Variants in TMC1 observed in about 807,000 individuals in gnomAD.
TMC1 encodes transmembrane channel like 1.
TMC1 carries 84 observed loss-of-function variants against 105.8 expected under a neutral mutation model. The observed-to-expected ratio is 0.79, with a 90% CI of 0.67 to 0.95. TMC1 has a LOEUF of 0.95. Among genes scored for constraint, TMC1 ranks in the 40% least tolerant of loss-of-function variants. TMC1 has a pLI of 0.00. For synonymous variants in TMC1, 315 were observed against 311.5 expected (o/e 1.01, Z -0.12); for missense variants, 817 against 914.1 (o/e 0.89, Z 1.37).
intron 4 of TMC1, among the ~76,000 whole-genome samples, chr9:72,635,422 G>A (rs1363943779): frequency 1.3e-5 from 2 of 152,084 alleles, no homozygotes; most frequent in Admixed American, 6.6e-5. Flanking sequence ...CTTATCATTA[G>A]GGACTTCCCA....
chr9:72,775,341 A>G (rs1250116357), intron 13 of TMC1, among the ~76,000 whole-genome samples: 1 of 151,940 alleles, frequency 6.6e-6, no homozygotes, highest in Non-Finnish European at 1.5e-5. Context: ...ATATAGTTAC[A>G]TAAGTATTAA....
chr9:72,526,636 T>G (rs1377206836), intron 1 of TMC1, among the ~76,000 whole-genome samples: 1 of 152,198 alleles, frequency 6.6e-6, no homozygotes, highest in Admixed American at 6.5e-5. Flanking sequence ...ATTAACTAAA[T>G]TAAAACCCCT....
rs1406851630 is a variant in TMC1 at position 72,628,043 on chromosome 9, T to G, written c.-73T>G. 2.2e-6 allele frequency: 1 copy of G among 455,636 alleles called. No homozygotes were observed. The highest frequency in any genetic ancestry group is 4.4e-6 in the Non-Finnish European group (1 of 226,774). The allele number at this position is 455,636 out of a possible 1,614,324, so 28.2% of individuals were successfully genotyped here. ...CACGTGGAGTGGTCTGGTGAATGCTTAAGGAGCTGCAGAAGGGAAGGTAGT... is the reference window on the plus strand; with the variant it reads ...CACGTGGAGTGGTCTGGTGAATGCTGAAGGAGCTGCAGAAGGGAAGGTAGT... On this transcript the variant is annotated 5_prime_UTR_variant, in exon 4 of 24. It removes the in-frame stop codon of an upstream open reading frame in the 5' UTR. Coordinates refer to ENST00000297784, the MANE Select transcript of TMC1 (RefSeq NM_138691.3).
intron 20 of TMC1, among the ~76,000 whole-genome samples, chr9:72,821,757 A>T (rs910151654): frequency 1.3e-5 from 2 of 152,224 alleles, no homozygotes; most frequent in Non-Finnish European, 2.9e-5. Context: ...GGGCCGTCAC[A>T]TCCAGACGTG....
intron 23 of TMC1, among the ~76,000 whole-genome samples, chr9:72,832,797 AATT>A (rs1829061920): frequency 6.6e-6 from 1 of 152,054 alleles, no homozygotes; most frequent in Non-Finnish European, 1.5e-5. Context: ...TGAAATTTTT[AATT>A]TTTTAAATCA....
chr9:72,546,771 T>G (rs1368096450), intron 1 of TMC1, among the ~76,000 whole-genome samples: 1 of 152,236 alleles, frequency 6.6e-6, no homozygotes, highest in Non-Finnish European at 1.5e-5. Context: ...AGGAAAAAAG[T>G]TAACCCAGAA....
chr9:72,808,301 G>T (rs1554729328), intron 18 of TMC1, among the ~76,000 whole-genome samples: 1 of 152,172 alleles, frequency 6.6e-6, no homozygotes, highest in Non-Finnish European at 1.5e-5. Flanking sequence ...ATTTGTAATT[G>T]CTGTTTCTCC....
intron 2 of TMC1, among the ~76,000 whole-genome samples, chr9:72,607,447 G>T (rs181521361): frequency 1.3e-5 from 2 of 150,014 alleles, no homozygotes; most frequent in Admixed American, 6.7e-5. Flanking sequence ...GTGAAACCCC[G>T]TCTCTACTAA....
intron 8 of TMC1, 48 bp from the exon 9 acceptor site, chr9:72,740,071 A>G: frequency 6.9e-7 from 1 of 1,459,272 alleles, no homozygotes; most frequent in East Asian, 2.3e-5. Flanking sequence ...TATTCTAGTC[A>G]TTGCAACTCA....
intron 6 of TMC1, among the ~76,000 whole-genome samples, chr9:72,689,744 T>C (rs751088264): frequency 5.9e-5 from 9 of 152,178 alleles, no homozygotes; most frequent in Non-Finnish European, 1.3e-4. Context: ...TTTTGTCCGA[T>C]GTAAGTATAG....
intron 1 of TMC1, among the ~76,000 whole-genome samples, chr9:72,553,538 A>G (rs1378190472): frequency 6.6e-6 from 1 of 152,240 alleles, no homozygotes; most frequent in East Asian, 1.9e-4. Context: ...AAAGCAAAGC[A>G]TGACACAGAA....
At chr9:72,718,737 G>GATC (rs1826964759) in intron 8 of TMC1, among the ~76,000 whole-genome samples, 1 of 152,166 alleles carries the variant, frequency 6.6e-6, no homozygotes, top group African/African-American at 2.4e-5. Flanking sequence ...TATAGGGGAG[G>GATC]ATCAGGTGGT....
intron 8 of TMC1, among the ~76,000 whole-genome samples, chr9:72,707,668 C>T (rs1486215627): frequency 1.3e-5 from 2 of 151,922 alleles, no homozygotes; most frequent in East Asian, 3.9e-4. Flanking sequence ...TAGTCTTTGT[C>T]AGATGTAGAG....
Position 72,745,866 on chromosome 9 carries a change from C to G in TMC1, c.535+3341C>G, listed in dbSNP as rs967000093. 3.3e-5 allele frequency among the ~76,000 whole-genome samples: 5 copies of G among 152,270 alleles called. No homozygotes were observed. In the South Asian group the frequency reaches 1.0e-3, roughly 32 times the overall value. On this transcript the variant is annotated intron_variant, in intron 10 of 23. Coordinates refer to ENST00000297784, the MANE Select transcript of TMC1 (RefSeq NM_138691.3). ...GGTTCTGTTTCCACATTTGGGGCTACTACAATATCTACAACATCTTGGGTT... is the reference window on the plus strand; with the variant it reads ...GGTTCTGTTTCCACATTTGGGGCTAGTACAATATCTACAACATCTTGGGTT...
intron 5 of TMC1, chr9:72,655,872 T>C: frequency 1.3e-6 from 1 of 767,244 alleles, no homozygotes; most frequent in Non-Finnish European, 2.4e-6. Context: ...AACTCCTGGC[T>C]CAATACTGAT....
chr9:72,617,606 T>A (rs1226841552), intron 3 of TMC1, among the ~76,000 whole-genome samples: 1 of 152,128 alleles, frequency 6.6e-6, no homozygotes, highest in Non-Finnish European at 1.5e-5. Flanking sequence ...TGTATTTTAT[T>A]CATCACACAG....
chr9:72,662,269 C>T (rs1218625264), intron 5 of TMC1, among the ~76,000 whole-genome samples: 1 of 151,766 alleles, frequency 6.6e-6, no homozygotes, highest in Non-Finnish European at 1.5e-5. Flanking sequence ...TCACCGCAAC[C>T]TCCACCTCCC....
chr9:72,780,770 A>C (rs956573966), intron 13 of TMC1, among the ~76,000 whole-genome samples: 2 of 152,232 alleles, frequency 1.3e-5, no homozygotes, highest in Non-Finnish European at 2.9e-5. Context: ...AGAAGACTTA[A>C]CTGTCCTAAA....
intron 3 of TMC1, among the ~76,000 whole-genome samples, chr9:72,625,427 G>A (rs1228421402): frequency 6.6e-5 from 10 of 152,086 alleles, no homozygotes; most frequent in African/African-American, 2.2e-4. Flanking sequence ...GGTGGCTCAC[G>A]CCTGTAATCC....
Sources: gnomAD v4.1 joint callset for allele counts (sites outside exome capture counted in the v4.1 genomes callset) on GRCh38, gnomAD v4.1.1 for gene constraint, MANE v1.5 for transcripts, NCBI Gene and HGNC (gene_info 2026-07-23, HGNC 2026-07-21) for gene names.